ZNFX1: variants seen among roughly 807,000 people sequenced by gnomAD.
ZNFX1 encodes the protein zinc finger NFX1-type containing 1, also known as NFX1-type zinc finger-containing protein 1.
Under a neutral mutation model 179.8 loss-of-function variants are expected in ZNFX1, and 78 were observed. That is an observed-to-expected ratio of 0.43 (90% CI 0.36 to 0.52). The LOEUF is 0.52. ZNFX1 is among the 20% of genes least tolerant of loss of function. The pLI, the probability that ZNFX1 is intolerant of heterozygous loss-of-function variation, is 0.00. For synonymous variants in ZNFX1, 848 were observed against 868.5 expected (o/e 0.98, Z 0.42); for missense variants, 1,927 against 2,386.6 (o/e 0.81, Z 4.01).
At position 49,271,505 on chromosome 20, in the gene ZNFX1, T is replaced by C; in HGVS notation, c.307A>G (p.Thr103Ala). Residue 103 changes from threonine (T) to alanine (A), a missense_variant, in exon 3 of 14, where the codon ACC becomes GCC. Transcript: ENST00000396105. ...TCCTGGTTGCCATTTCTCCACCTGG[T>C]GTCATTCTCCTGGTCATGTCTTTGG... ...RDQRHDQEND[T>A]RWRNGNQDCR... 1 of 1,614,174 alleles carries C rather than the reference T, an allele frequency of 6.2e-7. No homozygotes were observed. The highest frequency in any genetic ancestry group is 8.5e-7 in the Non-Finnish European group (1 of 1,180,022).
Position 49,253,516 on chromosome 20 carries a change from T to G in ZNFX1, c.3105+150A>C, listed in dbSNP as rs1447062357. ...ATACCCCAAATCTAATAGCATCTGC[T>G]CTTAGACTGAACGTGGGAGGTGAAG... On this transcript the variant is annotated intron_variant, in intron 11 of 13. Transcript: ENST00000396105. The G allele has an allele frequency of 7.7e-6, 7 of 904,708 alleles. No individual in the cohort carries two copies. In the East Asian group the frequency reaches 1.8e-4, roughly 24 times the overall value. The allele number at this position is 904,708 out of a possible 1,614,324, so 56.0% of individuals were successfully genotyped here. A position where few individuals can be genotyped will look rare whatever the true frequency, so the allele number is the denominator to read the frequency against.
rs144970900 is a variant in ZNFX1 at position 49,254,549 on chromosome 20, G to C, written c.2905C>G (p.Gln969Glu). 1 of 1,614,048 alleles carries C rather than the reference G, an allele frequency of 6.2e-7. No homozygotes were observed. The highest frequency in any genetic ancestry group is 8.5e-7 in the Non-Finnish European group (1 of 1,180,034). ...TCTTTAAGAATGTGCAGGTCTTCCT[G>C]GAGTCTCAGCTCGGCCATTCTTTCT... is the stretch of plus-strand genomic sequence containing the variant. ...SAERMAELRLQEDLHILKDAQ... is the reference protein window; with the variant it reads ...SAERMAELRLEEDLHILKDAQ... The change falls in exon 10 of 14, where the codon CAG becomes GAG. Residue 969 changes from glutamine to glutamate, a missense_variant. Gln to Glu is a conservative substitution (Grantham distance 29, BLOSUM62 2). Coordinates refer to ENST00000396105, the MANE Select transcript of ZNFX1 (RefSeq NM_021035.3).
chr20:49,250,021 G>A (rs1423814607), intron 13 of ZNFX1, among the ~76,000 whole-genome samples: 3 of 152,188 alleles, frequency 2.0e-5, no homozygotes, highest in Non-Finnish European at 2.9e-5. Context: ...TTGAGAGGCC[G>A]AGGTGGGTGG....
In ZNFX1 at chr20:49,270,111, A is replaced by T; in HGVS notation, c.1701T>A (p.Thr567=). The part of the protein sequence containing the change: ...FTPLIENPSA[T]GEFLRNVEGL... ...CCTCGACATTTCTTAGAAATTCCCC[A>T]GTGGCTGAAGGATTCTCTATTAAGG... Residue 567 remains threonine (T), a synonymous_variant, in exon 3 of 14, where the codon ACT becomes ACA. Transcript: ENST00000396105. The surrounding 1 kb of genome is among the most constrained non-coding windows in gnomAD (Gnocchi z 4.6). 1 of 1,614,254 alleles carries T rather than the reference A, an allele frequency of 6.2e-7. No individual in the cohort carries two copies. Among genetic ancestry groups the T allele is most frequent in the Non-Finnish European group, 8.5e-7 (1 of 1,180,034 alleles).
intron 6 of ZNFX1, among the ~76,000 whole-genome samples, chr20:49,261,648 G>A (rs1287243232): frequency 1.5e-5 from 2 of 136,142 alleles, no homozygotes; most frequent in Non-Finnish European, 3.2e-5. Context: ...CATGACACAA[G>A]TTTTTTTTTT....
intron 11 of ZNFX1, 97 bp from the exon 12 acceptor site, chr20:49,252,927 TG>T: frequency 1.1e-6 from 1 of 901,002 alleles, no homozygotes; most frequent in East Asian, 2.4e-5. Context: ...GTTTTTCAAG[TG>T]TTGACTATGT....
At chr20:49,263,787 T>C (rs1306928007) in intron 5 of ZNFX1, among the ~76,000 whole-genome samples, 1 of 152,092 alleles carries the variant, frequency 6.6e-6, no homozygotes, top group Non-Finnish European at 1.5e-5. Context: ...CTGTCTCTAC[T>C]AAAAATGCAA....
At chr20:49,262,042 A>T (rs1484780838) in intron 6 of ZNFX1, among the ~76,000 whole-genome samples, 2 of 16,554 alleles carry the variant, frequency 1.2e-4, no homozygotes, top group African/African-American at 2.3e-4. Flanking sequence ...CATATTGTTA[A>T]AAAAAAAAAA....
Position 49,248,607 on chromosome 20 carries a change from G to C in ZNFX1, c.4417C>G (p.His1473Asp). The C allele has an allele frequency of 6.2e-7, 1 of 1,614,140 alleles. No individual in the cohort carries two copies. Residue 1473 changes from histidine to aspartate, a missense_variant, in exon 14 of 14, where the codon CAC becomes GAC. Coordinates refer to ENST00000396105, the MANE Select transcript of ZNFX1 (RefSeq NM_021035.3). This position sits in a 1 kb window ranked among gnomAD's most constrained non-coding sequence, Gnocchi z 4.6. ...CCAATGCATGGTTCCTGGCACTTGT[G>C]TGAGCAGATAAGCAGGCGCTTGCAG... ...QPCKRLLICS[H>D]KCQEPCIGEC...
Position 49,270,850 on chromosome 20 carries a change from A to G in ZNFX1, c.962T>C (p.Leu321Pro), listed in dbSNP as rs1175740595. Residue 321 changes from leucine (L) to proline (P), a missense_variant, in exon 3 of 14, where the codon CTA (leucine) becomes CCA (proline). Physicochemically the swap from Leu to Pro is moderately conservative, Grantham distance 98. Coordinates refer to ENST00000396105, the MANE Select transcript of ZNFX1 (RefSeq NM_021035.3). This position sits in a 1 kb window ranked among gnomAD's most constrained non-coding sequence, Gnocchi z 4.6. ...EGTLRVDTYT[L>P]VQPEAEDHVE... ...ATGGTCTTCTGCCTCAGGCTGCACT[A>G]GAGTGTAGGTATCCACTCTCAAAGT... The G allele has an allele frequency of 2.5e-6, 4 of 1,614,182 alleles. No individual in the cohort carries two copies. Among genetic ancestry groups the G allele is most frequent in the Admixed American group, 3.3e-5 (2 of 60,020 alleles).
At chr20:49,276,006 T>A in intron 1 of ZNFX1, 119 bp from the exon 2 acceptor site, 1 of 623,264 alleles carries the variant, frequency 1.6e-6, no homozygotes, top group Non-Finnish European at 2.8e-6. Context: ...AACTAAGGGT[T>A]AAATACAGAT....
At chr20:49,253,037 G>T (rs1039789259) in intron 11 of ZNFX1, among the ~76,000 whole-genome samples, 2 of 152,200 alleles carry the variant, frequency 1.3e-5, no homozygotes, top group Non-Finnish European at 2.9e-5. Context: ...GCCCCATGGT[G>T]GGTTTTTTCT....
At chr20:49,254,178 C>G (rs1389595475) in intron 10 of ZNFX1, among the ~76,000 whole-genome samples, 1 of 152,114 alleles carries the variant, frequency 6.6e-6, no homozygotes, top group Non-Finnish European at 1.5e-5. Flanking sequence ...AGGCACCCAC[C>G]ACTACACCCA....
chr20:49,271,445 T>C lies in ZNFX1; in HGVS notation c.367A>G (p.Asn123Asp). The change falls in exon 3 of 14, where the codon AAC (asparagine) becomes GAC (aspartate). Residue 123 changes from asparagine (N) to aspartate (D), a missense_variant. Transcript: ENST00000396105. ...RNRRPPWSND[N>D]FQQWRTPHQK... ...TGGGGAGTCCGCCACTGCTGGAAGT[T>C]GTCATTGGACCATGGTGGTCTGCGG... is the stretch of plus-strand genomic sequence containing the variant. 1 of 1,614,206 alleles carries C rather than the reference T, an allele frequency of 6.2e-7. No homozygotes were observed. Among genetic ancestry groups the C allele is most frequent in the Middle Eastern group, 1.6e-4 (1 of 6,062 alleles).
chr20:49,264,777 A>G lies in ZNFX1; in HGVS notation c.2090T>C (p.Leu697Pro). 1 of 1,614,170 alleles carries G rather than the reference A, an allele frequency of 6.2e-7. No homozygotes were observed. The highest frequency in any genetic ancestry group is 8.5e-7 in the Non-Finnish European group (1 of 1,180,030). The change falls in exon 5 of 14, where the codon CTG (leucine) becomes CCG (proline). Residue 697 changes from leucine (L) to proline (P), a missense_variant. By Grantham distance (98) the Leu-to-Pro change is moderately conservative. Transcript: ENST00000396105. ...EILKQFTLRE[L>P]RNKREFRRNL... Reference sequence around the variant, plus strand: ...GCGGCGGAATTCCCGCTTGTTCCTCAGCTCCCTTAGGGTGAACTGCTTCAG... The same window carrying G: ...GCGGCGGAATTCCCGCTTGTTCCTCGGCTCCCTTAGGGTGAACTGCTTCAG...
chr20:49,253,641 T>C (rs1184709763), intron 11 of ZNFX1, 25 bp downstream of exon 11: 1 of 1,613,182 alleles, frequency 6.2e-7, no homozygotes, highest in East Asian at 2.2e-5. Flanking sequence ...AGCCAGCCCA[T>C]CTTCTAGGGG....
At position 49,253,797 on chromosome 20, in the gene ZNFX1, G is replaced by A; in HGVS notation, c.2974C>T (p.Arg992Cys). 1.9e-6 allele frequency: 3 copies of A among 1,614,070 alleles called. No individual in the cohort carries two copies. The highest frequency in any genetic ancestry group is 2.5e-6 in the Non-Finnish European group (3 of 1,180,000). Residue 992 changes from arginine (R) to cysteine (C), a missense_variant, in exon 11 of 14, where the codon CGC (arginine) becomes TGC (cysteine). Coordinates refer to ENST00000396105, the MANE Select transcript of ZNFX1 (RefSeq NM_021035.3). The stretch of plus-strand genomic sequence containing the variant: ...GGCTCCACCTTCTGTAGGATCTGGC[G>A]GTATTTGGCAGCACCTCAAGTGAGG... ...GMTTTGAAKY[R>C]QILQKVEPRI...
chr20:49,275,519 C>A (rs1368672027), intron 2 of ZNFX1, among the ~76,000 whole-genome samples: 1 of 152,018 alleles, frequency 6.6e-6, no homozygotes, highest in Non-Finnish European at 1.5e-5. Context: ...CCAAGCCCGG[C>A]TAATTTATAT....
At position 49,263,432 on chromosome 20, in the gene ZNFX1, T is replaced by G. The variant is rs1220105512; in HGVS notation, c.2203A>C (p.Thr735Pro). Residue 735 changes from threonine to proline, a missense_variant, in exon 6 of 14, where the codon ACC becomes CCC. Transcript: ENST00000396105. The stretch of plus-strand genomic sequence containing the variant: ...ACACCACGCATGGTGCACTCCAGGG[T>G]CTTGGCTCCTTCATGAAGCTCTTGC... ...SEQELHEGAKTLECTMRGVLR... is the reference protein window; with the variant it reads ...SEQELHEGAKPLECTMRGVLR... The G allele has an allele frequency of 6.2e-7, 1 of 1,609,662 alleles. No individual in the cohort carries two copies. Among genetic ancestry groups the G allele is most frequent in the African/African-American group, 1.3e-5 (1 of 74,806 alleles).
Sources: allele counts gnomAD v4.1 joint callset (sites outside exome capture counted in the v4.1 genomes callset), GRCh38; gene constraint gnomAD v4.1.1; non-coding constraint Gnocchi (gnomAD v3.1); transcripts MANE v1.5; gene names NCBI Gene and HGNC (gene_info 2026-07-23, HGNC 2026-07-21).